Variants in FN1 observed in about 807,000 individuals in gnomAD.
FN1 encodes fibronectin 1.
A neutral mutation model predicts 297.3 loss-of-function variants in FN1; 106 were observed. The ratio of observed to expected loss-of-function variants is 0.36; its 90% CI spans 0.30 to 0.42. FN1 has a LOEUF of 0.42. Among genes scored for constraint, FN1 ranks in the 10% least tolerant of loss-of-function variants. The probability of loss-of-function intolerance (pLI) is 1.00; values close to 1 mark genes in which losing one functional copy is unlikely to be tolerated. For missense variants in FN1, 2,690 were observed against 3,124.9 expected (o/e 0.86, Z 3.32); for synonymous variants, 1,149 against 1,152.6 (o/e 1.00, Z 0.06).
At chr2:215,376,451 T>C (rs774074584) in intron 36 of FN1, 47 bp downstream of exon 36, 2 of 1,533,332 alleles carry the variant, frequency 1.3e-6, no homozygotes, top group East Asian at 2.2e-5. Context: ...CCGTTTACAT[T>C]GTGGGTATTT....
chr2:215,387,543 A>G (rs371537320), intron 27 of FN1, among the ~76,000 whole-genome samples: 76 of 152,320 alleles, frequency 5.0e-4, no homozygotes, highest in African/African-American at 1.4e-3. Context: ...TGAAAAATGC[A>G]TTTTTCAAAA....
At chr2:215,416,220 T>C (rs1463550462) in intron 12 of FN1, among the ~76,000 whole-genome samples, 2 of 152,178 alleles carry the variant, frequency 1.3e-5, no homozygotes, top group Non-Finnish European at 2.9e-5. Flanking sequence ...CAATTCAAAG[T>C]TGGTTGAAGA....
chr2:215,403,664 G>C (rs1353321790), intron 20 of FN1, among the ~76,000 whole-genome samples: 1 of 152,196 alleles, frequency 6.6e-6, no homozygotes, highest in Non-Finnish European at 1.5e-5. Flanking sequence ...TTGTGATGTA[G>C]ATATGTGGGA....
intron 6 of FN1, among the ~76,000 whole-genome samples, chr2:215,426,339 G>A (rs536412365): frequency 5.3e-5 from 8 of 151,648 alleles, no homozygotes; most frequent in South Asian, 2.1e-4. Flanking sequence ...TAGTAGAGAC[G>A]GGGTTTCACC....
intron 13 of FN1, among the ~76,000 whole-genome samples, chr2:215,411,621 A>C (rs759499308): frequency 6.6e-6 from 1 of 152,138 alleles, no homozygotes; most frequent in Non-Finnish European, 1.5e-5. Context: ...AAATCTCAAA[A>C]AATTCATCAC....
rs191102810 is a variant in FN1, at chr2:215,425,427, C to T, written c.845-142G>A. The T allele has an allele frequency of 2.5e-5, 20 of 813,654 alleles. No homozygotes were observed. In the East Asian group the frequency reaches 5.3e-4, roughly 21 times the overall value. 50.4% of individuals were successfully genotyped at this position (813,654 alleles called of 1,614,324 possible). On this transcript the variant is annotated intron_variant, in intron 6 of 45. Coordinates refer to ENST00000354785, the MANE Select transcript of FN1 (RefSeq NM_212482.4). ...GGCCTGGGACTGGAAAAAAATGTCCCTTATTCAGCAGTAGCTTTTGCATTT... is the reference window on the plus strand; with the variant it reads ...GGCCTGGGACTGGAAAAAAATGTCCTTTATTCAGCAGTAGCTTTTGCATTT...
At chr2:215,409,839 G>T in intron 14 of FN1, 95 bp downstream of exon 14, 1 of 1,592,572 alleles carries the variant, frequency 6.3e-7, no homozygotes. Flanking sequence ...TGCCCCTCCT[G>T]GAAGAATATG....
intron 22 of FN1, 54 bp downstream of exon 22, chr2:215,397,626 C>A: frequency 1.3e-6 from 2 of 1,517,806 alleles, no homozygotes; most frequent in South Asian, 1.1e-5. Flanking sequence ...TAGCTTTTTT[C>A]GAAAAGTAGA....
rs1052102911 is a variant in FN1 at position 215,426,782 on chromosome 2, G to C, written c.844+1398C>G. 4.6e-5 allele frequency among the ~76,000 whole-genome samples: 7 copies of C among 152,274 alleles called. No individual in the cohort carries two copies. The South Asian group carries it at 1.0e-3, about 23-fold the overall frequency. On this transcript the variant is annotated intron_variant, in intron 6 of 45. Coordinates refer to ENST00000354785, the MANE Select transcript of FN1 (RefSeq NM_212482.4). ...TCAGTATTGGCAATATTCATATATA[G>C]CTAACATTTATTGAGTGTTTATCCC...
intron 42 of FN1, 25 bp downstream of exon 42, chr2:215,367,838 G>T: frequency 6.2e-7 from 1 of 1,613,072 alleles, no homozygotes; most frequent in East Asian, 2.2e-5. Context: ...AAACACGGAA[G>T]TGGATGGACA....
rs17458018 is a variant in FN1, at chr2:215,420,652, T to C, written c.1675+21A>G. The C allele has an allele frequency of 0.06, 96,395 of 1,613,784 alleles. 3,497 individuals carry two copies. Among genetic ancestry groups the C allele is most frequent in the South Asian group, 0.14 (12,440 of 91,068 alleles). On this transcript the variant is annotated intron_variant, in intron 11 of 45. Coordinates refer to ENST00000354785, the MANE Select transcript of FN1 (RefSeq NM_212482.4). ...ACCATTCCCCCTGTGCAAACTCATC[T>C]AGGGAAATAGGGCTACTCACCGACG... is the stretch of plus-strand genomic sequence containing the variant.
intron 6 of FN1, among the ~76,000 whole-genome samples, chr2:215,426,619 G>A (rs1330001840): frequency 6.6e-6 from 1 of 152,044 alleles, no homozygotes; most frequent in Non-Finnish European, 1.5e-5. Context: ...AAGGTCAAAC[G>A]TACTAGGGAG....
At chr2:215,373,793 C>G (rs988540010) in intron 38 of FN1, among the ~76,000 whole-genome samples, 7 of 151,302 alleles carry the variant, frequency 4.6e-5, no homozygotes, top group Non-Finnish European at 8.8e-5. Flanking sequence ...ATTCTCCTGC[C>G]TCAGCCACCC....
intron 1 of FN1, among the ~76,000 whole-genome samples, 159 bp downstream of exon 1, chr2:215,435,496 G>A (rs1013309084): frequency 6.6e-6 from 1 of 152,184 alleles, no homozygotes; most frequent in Non-Finnish European, 1.5e-5. Flanking sequence ...GAACCAGCGT[G>A]CTCAAAACTC....
chr2:215,392,043 T>C, intron 25 of FN1: 2 of 525,750 alleles, frequency 3.8e-6, no homozygotes, highest in Non-Finnish European at 6.8e-6. Context: ...CATTGATATA[T>C]TTAAAAAAAA....
intron 38 of FN1, among the ~76,000 whole-genome samples, 191 bp from the exon 39 acceptor site, chr2:215,373,602 A>G: frequency 6.6e-6 from 1 of 152,078 alleles, no homozygotes; most frequent in Admixed American, 6.6e-5. Context: ...TCCGCATCGC[A>G]AACTAATTAT....
At chr2:215,429,107 C>T (rs770209238) in intron 5 of FN1, among the ~76,000 whole-genome samples, 11 of 152,076 alleles carry the variant, frequency 7.2e-5, no homozygotes, top group Non-Finnish European at 1.3e-4. Flanking sequence ...AGGGTCTTCA[C>T]CAATGGCTAC....
At chr2:215,423,898 T>A (rs1449299586) in intron 8 of FN1, among the ~76,000 whole-genome samples, 1 of 152,178 alleles carries the variant, frequency 6.6e-6, no homozygotes, top group African/African-American at 2.4e-5. Context: ...TTTAATCACA[T>A]CATAATCCCA....
chr2:215,361,923 G>T, intron 45 of FN1, 46 bp downstream of exon 45: 1 of 1,598,856 alleles, frequency 6.3e-7, no homozygotes, highest in South Asian at 1.1e-5. Context: ...TGTAGAAAGA[G>T]ACTGTCTAGT....
Sources: gnomAD v4.1 joint callset for allele counts (sites outside exome capture counted in the v4.1 genomes callset) on GRCh38, gnomAD v4.1.1 for gene constraint, MANE v1.5 for transcripts, NCBI Gene and HGNC (gene_info 2026-07-23, HGNC 2026-07-21) for gene names.